The following PUDP variants were observed in gnomAD, a reference collection of about 807,000 sequenced individuals.
PUDP encodes pseudouridine 5'-phosphatase.
Under a neutral mutation model 9.4 loss-of-function variants are expected in PUDP, and 8 were observed. The observed-to-expected ratio is 0.85, with a 90% CI of 0.50 to 1.53. The LOEUF is 1.53. Among genes scored for constraint, PUDP ranks in the 40% most tolerant of loss-of-function variants. The probability of loss-of-function intolerance (pLI) is 0.00; values close to 1 mark genes in which losing one functional copy is unlikely to be tolerated. For synonymous variants in PUDP, 99 were observed against 80.7 expected, an observed-to-expected ratio of 1.23 and a Z score of -1.22; for missense variants, 188 against 189.7, an observed-to-expected ratio of 0.99 and a Z score of 0.05.
chrX:7,102,018 T>C (rs1320966141), intron 2 of PUDP, among the ~76,000 whole-genome samples: 1 of 109,625 alleles, frequency 9.1e-6, no homozygotes, highest in Non-Finnish European at 1.9e-5. Flanking sequence ...ACATAGAAAA[T>C]CTGAACAGAT....
upstream of PUDP, among the ~76,000 whole-genome samples, chrX:6,725,060 C>A (rs866636785): frequency 9.0e-6 from 1 of 111,609 alleles, no homozygotes; most frequent in South Asian, 3.8e-4. Flanking sequence ...CCTCTTGGGT[C>A]GAGCACGGTT....
chrX:6,815,632 C>T (rs374290522), intron 3 of PUDP, among the ~76,000 whole-genome samples: 1 of 111,010 alleles, frequency 9.0e-6, no homozygotes, highest in Non-Finnish European at 1.9e-5. Context: ...AACTCTGATG[C>T]GTGTCCAGGC....
intron 1 of PUDP, among the ~76,000 whole-genome samples, chrX:7,011,054 T>A (rs1014939965): frequency 1.8e-5 from 2 of 112,191 alleles, no homozygotes; most frequent in Admixed American, 1.9e-4. Context: ...GGGTTGGTAA[T>A]GATTGGGGCA....
chrX:7,143,404 G>A (rs976879388), intron 1 of PUDP, among the ~76,000 whole-genome samples: 1 of 111,962 alleles, frequency 8.9e-6, no homozygotes, highest in South Asian at 3.7e-4. Flanking sequence ...ATTTGAAAGA[G>A]AGAGCTAGAA....
chrX:6,774,271 T>C (rs997322658), intron 3 of PUDP, among the ~76,000 whole-genome samples: 7 of 112,345 alleles, frequency 6.2e-5, no homozygotes, highest in Non-Finnish European at 1.3e-4. Context: ...GCTGTTTTCT[T>C]CTACCTCCAG....
chrX:7,002,907 C>G (rs147290264), intron 1 of PUDP, among the ~76,000 whole-genome samples: 2 of 110,265 alleles, frequency 1.8e-5, no homozygotes, highest in Non-Finnish European at 3.8e-5. Flanking sequence ...CACCAAGGAG[C>G]CCCGGAAAGC....
At chrX:6,911,190 TTTTC>T (rs1204591604) in intron 3 of PUDP, among the ~76,000 whole-genome samples, 5 of 108,185 alleles carry the variant, frequency 4.6e-5, no homozygotes, top group African/African-American at 1.0e-4. Flanking sequence ...TTTTCTTTGA[TTTTC>T]TTTTTCTTTT....
chrX:6,762,353 G>T (rs1314519252), intron 3 of PUDP, among the ~76,000 whole-genome samples: 1 of 112,347 alleles, frequency 8.9e-6, no homozygotes, highest in Non-Finnish European at 1.9e-5. Flanking sequence ...AACATTGAGG[G>T]ATTGCTCGAT....
intron 3 of PUDP, among the ~76,000 whole-genome samples, chrX:6,870,839 G>T (rs983947602): frequency 9.0e-6 from 1 of 111,479 alleles, no homozygotes; most frequent in South Asian, 3.8e-4. Context: ...GCTATTTTCA[G>T]GTGGAGGTTT....
chrX:6,750,783 T>C (rs749213501), intron 3 of PUDP, among the ~76,000 whole-genome samples: 1 of 111,826 alleles, frequency 8.9e-6, no homozygotes, highest in African/African-American at 3.3e-5. Context: ...ACCTGAAGGA[T>C]ATACAAAGAT....
intron 1 of PUDP, among the ~76,000 whole-genome samples, chrX:6,993,651 A>G (rs1442810581): frequency 8.9e-6 from 1 of 112,332 alleles, no homozygotes; most frequent in Non-Finnish European, 1.9e-5. Flanking sequence ...GAAAATGGGG[A>G]AAAATAGCCA....
intron 3 of PUDP, among the ~76,000 whole-genome samples, chrX:7,063,695 G>A (rs1282315626): frequency 1.8e-5 from 2 of 111,583 alleles, no homozygotes; most frequent in Non-Finnish European, 3.8e-5. Context: ...CCAGGCTCGG[G>A]TGCAGTGGTG....
At chrX:7,129,233 T>C (rs1297645404) in intron 1 of PUDP, among the ~76,000 whole-genome samples, 2 of 112,420 alleles carry the variant, frequency 1.8e-5, no homozygotes, top group Admixed American at 1.9e-4. Context: ...CAAAATGATA[T>C]GCCTTCTTCC....
At chrX:6,770,376 C>T in intron 3 of PUDP, among the ~76,000 whole-genome samples, 1 of 112,762 alleles carries the variant, frequency 8.9e-6, no homozygotes, top group Non-Finnish European at 1.9e-5. Flanking sequence ...AAATATTTTG[C>T]TGACCCCTTG....
chrX:6,722,064 A>C (rs772207280), upstream of PUDP, among the ~76,000 whole-genome samples: 93 of 110,862 alleles, frequency 8.4e-4, no homozygotes, highest in Admixed American at 9.7e-4. Flanking sequence ...GTCAACAAGC[A>C]ATTGTGTGTA....
intron 1 of PUDP, among the ~76,000 whole-genome samples, chrX:7,114,806 C>T (rs1158771761): frequency 8.9e-6 from 1 of 112,396 alleles, no homozygotes; most frequent in Non-Finnish European, 1.9e-5. Context: ...TGTACATATA[C>T]AAATGTACAA....
chrX:7,025,916 G>T (rs77416977), intron 1 of PUDP, among the ~76,000 whole-genome samples: 1 of 107,869 alleles, frequency 9.3e-6, no homozygotes, highest in Non-Finnish European at 1.9e-5. Context: ...TGCATCATCA[G>T]ATATCAATCT....
At chrX:7,098,006 A>T (rs1307332875) in intron 2 of PUDP, among the ~76,000 whole-genome samples, 4 of 110,898 alleles carry the variant, frequency 3.6e-5, no homozygotes, top group African/African-American at 1.3e-4. Context: ...TTTTCAACGA[A>T]GCCGAGCAGG....
At chrX:6,771,403 G>A (rs965890439) in intron 3 of PUDP, among the ~76,000 whole-genome samples, 9 of 112,122 alleles carry the variant, frequency 8.0e-5, no homozygotes, top group African/African-American at 2.6e-4. Context: ...ACTGCTTTTG[G>A]TTATATTCCT....
Sources: allele counts gnomAD v4.1 joint callset (sites outside exome capture counted in the v4.1 genomes callset), GRCh38; gene constraint gnomAD v4.1.1; transcripts MANE v1.5; gene names NCBI Gene and HGNC (gene_info 2026-07-23, HGNC 2026-07-21).